CNTNAP5: variants seen among roughly 807,000 people sequenced by gnomAD.
The protein encoded by CNTNAP5 is contactin associated protein family member 5.
A neutral mutation model predicts 150.2 loss-of-function variants in CNTNAP5; 72 were observed. That is an observed-to-expected ratio of 0.48 (90% CI 0.40 to 0.58). The LOEUF (loss-of-function observed/expected upper bound fraction) is 0.58, where lower values mean the gene tolerates loss of function less well. Among genes scored for constraint, CNTNAP5 ranks in the 20% least tolerant of loss-of-function variants. The pLI, the probability that CNTNAP5 is intolerant of heterozygous loss-of-function variation, is 0.00. For synonymous variants in CNTNAP5, 672 were observed against 619.8 expected (o/e 1.08, Z -1.25); for missense variants, 1,636 against 1,626.2 (o/e 1.01, Z -0.10).
At chr2:124,472,381 A>C (rs1333476356) in intron 6 of CNTNAP5, among the ~76,000 whole-genome samples, 1 of 151,982 alleles carries the variant, frequency 6.6e-6, no homozygotes, top group African/African-American at 2.4e-5. Context: ...GAGAAATAAA[A>C]TTTTTGTTTT....
chr2:124,747,574 A>G lies in CNTNAP5; in HGVS notation c.2234+189A>G, dbSNP rs151275408. Among the ~76,000 whole-genome samples, 336 of 149,828 alleles carry G rather than the reference A, an allele frequency of 2.2e-3. 2 individuals carry two copies. The highest frequency in any genetic ancestry group is 7.7e-3 in the African/African-American group (316 of 40,800). ...TTCAGTATGACAACTTATGTTTGGT[A>G]CATATAAGCATGTGGTCATACCATC... On this transcript the variant is annotated intron_variant, in intron 14 of 23. Transcript: ENST00000682447.
At chr2:124,686,970 T>G (rs570062212) in intron 13 of CNTNAP5, among the ~76,000 whole-genome samples, 4 of 152,242 alleles carry the variant, frequency 2.6e-5, no homozygotes, top group African/African-American at 7.2e-5. Flanking sequence ...CTGTCCAATA[T>G]GGCAGCCACT....
chr2:124,735,609 C>G (rs1680365797), intron 13 of CNTNAP5, among the ~76,000 whole-genome samples: 1 of 152,094 alleles, frequency 6.6e-6, no homozygotes, highest in Admixed American at 6.5e-5. Flanking sequence ...AATATTGATT[C>G]AAGAACAAGT....
In CNTNAP5 at chr2:124,290,874, C is replaced by CTTTGTTTA. The variant is rs369928445; in HGVS notation, c.381+48484_381+48485insGTTTATTT. On this transcript the variant is annotated intron_variant, in intron 3 of 23. Transcript: ENST00000682447. The stretch of plus-strand genomic sequence containing the variant: ...GCCATGCCAAGTCTCATCTTCCTTC[C>CTTTGTTTA]TTTATTTATTTATTTATTTATTTAT... Among the ~76,000 whole-genome samples, 80 of 148,542 alleles carry CTTTGTTTA rather than the reference C, an allele frequency of 5.4e-4. No individual in the cohort carries two copies. In the East Asian group the frequency reaches 0.012, roughly 23 times the overall value.
At position 124,289,032 on chromosome 2, in the gene CNTNAP5, C is replaced by T. The variant is rs867501797; in HGVS notation, c.381+46639C>T. ...TTTTACAATTCAGTTTTCTAATTAA[C>T]AATGATAACCACTACTTGAGCAGAC... is the stretch of plus-strand genomic sequence containing the variant. On this transcript the variant is annotated intron_variant, in intron 3 of 23. Coordinates refer to ENST00000682447, the MANE Select transcript of CNTNAP5 (RefSeq NM_001367498.1). 1.1e-4 allele frequency among the ~76,000 whole-genome samples: 17 copies of T among 152,292 alleles called. No individual in the cohort carries two copies. The South Asian group carries it at 1.9e-3, about 17-fold the overall frequency.
At chr2:124,806,519 A>G (rs1413531617) in intron 19 of CNTNAP5, among the ~76,000 whole-genome samples, 1 of 151,298 alleles carries the variant, frequency 6.6e-6, no homozygotes, top group Non-Finnish European at 1.5e-5. Context: ...CTGTGGCTCT[A>G]CGTTCTCACA....
intron 1 of CNTNAP5, among the ~76,000 whole-genome samples, chr2:124,053,253 C>T (rs539962660): frequency 6.1e-4 from 93 of 152,222 alleles, no homozygotes; most frequent in African/African-American, 2.2e-3. Context: ...TGAAGCAGAA[C>T]CAAAAATCAT....
At chr2:124,103,134 G>C (rs1013402500) in intron 1 of CNTNAP5, among the ~76,000 whole-genome samples, 4 of 151,744 alleles carry the variant, frequency 2.6e-5, no homozygotes, top group African/African-American at 9.7e-5. Flanking sequence ...TGTTTCAAAA[G>C]TTAAAAAAAA....
At chr2:124,493,927 C>T (rs1694087679) in intron 7 of CNTNAP5, among the ~76,000 whole-genome samples, 1 of 147,594 alleles carries the variant, frequency 6.8e-6, no homozygotes, top group Non-Finnish European at 1.5e-5. Context: ...TGTTTGTGGG[C>T]TAAAAAAAGT....
chr2:124,316,804 C>CAAAAAAAAAAAAAAAAAAAAAAA (rs56812690), intron 3 of CNTNAP5, among the ~76,000 whole-genome samples: 11 of 54,770 alleles, frequency 2.0e-4, no homozygotes, highest in East Asian at 7.6e-4. Context: ...GACTCCATCT[C>CAAAAAAAAAAAAAAAAAAAAAAA]AAAAAAAAAA....
chr2:124,042,096 G>A (rs572390353), intron 1 of CNTNAP5, among the ~76,000 whole-genome samples: 2 of 152,192 alleles, frequency 1.3e-5, no homozygotes, highest in East Asian at 3.9e-4. Flanking sequence ...CCTGACATTA[G>A]GTGACCCACC....
intron 10 of CNTNAP5, among the ~76,000 whole-genome samples, chr2:124,546,364 ATG>A (rs144497613): frequency 4.8e-4 from 73 of 150,578 alleles, no homozygotes; most frequent in African/African-American, 6.1e-4. Context: ...GGATTTCTCA[ATG>A]TGTGTGTGTG....
At chr2:124,704,727 A>G (rs1679597487) in intron 13 of CNTNAP5, among the ~76,000 whole-genome samples, 1 of 152,050 alleles carries the variant, frequency 6.6e-6, no homozygotes, top group African/African-American at 2.4e-5. Context: ...GGAGCCTGTA[A>G]ATCCTGACAT....
chr2:124,344,967 G>T (rs1053451207), intron 3 of CNTNAP5, among the ~76,000 whole-genome samples: 2 of 152,132 alleles, frequency 1.3e-5, no homozygotes, highest in Admixed American at 1.3e-4. Flanking sequence ...GTGGGGAGAA[G>T]CAGGAAAATG....
chr2:124,727,431 A>C (rs976812195), intron 13 of CNTNAP5, among the ~76,000 whole-genome samples: 1 of 151,984 alleles, frequency 6.6e-6, no homozygotes. Flanking sequence ...TAGCAATATT[A>C]ACTCATTGAA....
chr2:124,831,236 G>T (rs376772940), intron 19 of CNTNAP5, among the ~76,000 whole-genome samples: 1 of 151,632 alleles, frequency 6.6e-6, no homozygotes, highest in Non-Finnish European at 1.5e-5. Context: ...GCACTTTCTG[G>T]TTTGTCCAAT....
intron 1 of CNTNAP5, among the ~76,000 whole-genome samples, chr2:124,206,269 C>T (rs1344175784): frequency 6.6e-6 from 1 of 152,070 alleles, no homozygotes; most frequent in Non-Finnish European, 1.5e-5. Context: ...AACACCTAAC[C>T]CTATGAGTTA....
intron 10 of CNTNAP5, among the ~76,000 whole-genome samples, chr2:124,533,517 G>A (rs1177294213): frequency 2.6e-5 from 4 of 152,196 alleles, no homozygotes; most frequent in African/African-American, 9.6e-5. Context: ...CAAAGCTGAT[G>A]TGGGTGTGGA....
At chr2:124,883,254 C>T (rs149592835) in intron 21 of CNTNAP5, among the ~76,000 whole-genome samples, 187 of 151,870 alleles carry the variant, frequency 1.2e-3, no homozygotes, top group African/African-American at 4.4e-3. Flanking sequence ...TAGAGATGGG[C>T]TTTCACCATG....
Sources: allele counts gnomAD v4.1 joint callset (sites outside exome capture counted in the v4.1 genomes callset), GRCh38; gene constraint gnomAD v4.1.1; transcripts MANE v1.5; gene names NCBI Gene and HGNC (gene_info 2026-07-23, HGNC 2026-07-21).